PAN2: variants seen among roughly 807,000 people sequenced by gnomAD.
PAN2 encodes the protein PAN2-PAN3 deadenylation complex catalytic subunit PAN2.
In PAN2, 68 loss-of-function variants were observed where a neutral mutation model predicts 133.3. The observed-to-expected ratio is 0.51, with a 90% CI of 0.42 to 0.62. The LOEUF (loss-of-function observed/expected upper bound fraction) is 0.62. Among genes scored for constraint, PAN2 ranks in the 20% least tolerant of loss-of-function variants. The probability of loss-of-function intolerance (pLI) is 0.00; values close to 1 mark genes in which losing one functional copy is unlikely to be tolerated. For missense variants in PAN2, 1,042 were observed against 1,500.5 expected (o/e 0.69, Z 5.05); for synonymous variants, 462 against 544.6 (o/e 0.85, Z 2.11).
intron 19 of PAN2, 111 bp downstream of exon 19, chr12:56,322,312 G>T: frequency 9.1e-7 from 1 of 1,096,788 alleles, no homozygotes; most frequent in Non-Finnish European, 1.4e-6. Context: ...TATTCCTGAG[G>T]ATTCCTTCCT....
intron 8 of PAN2, 107 bp downstream of exon 8, chr12:56,326,206 G>C (rs1875104519): frequency 1.0e-6 from 1 of 1,000,588 alleles, no homozygotes; most frequent in Non-Finnish European, 1.4e-6. Flanking sequence ...CATCAATTTG[G>C]TTGGTTACCA....
At chr12:56,328,158 G>A in intron 4 of PAN2, 80 bp downstream of exon 4, 1 of 1,601,288 alleles carries the variant, frequency 6.2e-7, no homozygotes, top group Non-Finnish European at 8.5e-7. Flanking sequence ...CACATCTCAG[G>A]CACATTACCA....
Position 56,323,397 on chromosome 12 carries a change from GA to G in PAN2, c.2272-14del, listed in dbSNP as rs757215637. 1 of 1,612,132 alleles carries G rather than the reference GA, an allele frequency of 6.2e-7. No homozygotes were observed. The highest frequency in any genetic ancestry group is 1.1e-5 in the South Asian group (1 of 90,666). Reference sequence around the variant, plus strand: ...TCTTGAAGGCAACCTGAACACAGAAGAAAAACATCCAGTTCTTCAGGAATGT... The same window carrying G: ...TCTTGAAGGCAACCTGAACACAGAAGAAAACATCCAGTTCTTCAGGAATGT... On this transcript the variant is annotated splice_polypyrimidine_tract_variant and intron_variant, in intron 15 of 25. Coordinates refer to ENST00000440411, the MANE Select transcript of PAN2 (RefSeq NM_014871.6).
rs1874037424 is a variant in PAN2, at chr12:56,317,417, A to C, written c.*192T>G. On this transcript the variant is annotated 3_prime_UTR_variant, in exon 26 of 26. Coordinates refer to ENST00000440411, the MANE Select transcript of PAN2 (RefSeq NM_014871.6). ...TTTGCAAAGAATGAAGAAGGAATGA[A>C]TCTGGCTCCTAGAACCTTTGCAACA... The C allele has an allele frequency of 1.6e-6, 1 of 608,824 alleles. No homozygotes were observed. Among genetic ancestry groups the C allele is most frequent in the South Asian group, 2.0e-5 (1 of 48,994 alleles). 37.7% of individuals were successfully genotyped at this position (608,824 alleles called of 1,614,324 possible).
rs1874270273 is a variant in PAN2, at chr12:56,319,618, T to TA, written c.3090+2dup. On this transcript the variant is annotated splice_region_variant and intron_variant, in intron 22 of 25. Coordinates refer to ENST00000440411, the MANE Select transcript of PAN2 (RefSeq NM_014871.6). This position sits in a 1 kb window ranked among gnomAD's most constrained non-coding sequence, Gnocchi z 5.4. ...CCTCACTTGCATCTCCATATCCTAA[T>TA]ACCTGCTCCTGGGTAGAGATGTAGT... The TA allele has an allele frequency of 6.2e-7, 1 of 1,605,164 alleles. No individual in the cohort carries two copies. The highest frequency in any genetic ancestry group is 1.3e-5 in the African/African-American group (1 of 74,658).
rs1451224179 is a variant in PAN2, at chr12:56,319,773, G to C, written c.2947-9C>G. 1 of 1,612,444 alleles carries C rather than the reference G, an allele frequency of 6.2e-7. No individual in the cohort carries two copies. The highest frequency in any genetic ancestry group is 1.7e-5 in the Admixed American group (1 of 59,814). On this transcript the variant is annotated splice_polypyrimidine_tract_variant and intron_variant, in intron 21 of 25. Transcript: ENST00000440411. This position sits in a 1 kb window ranked among gnomAD's most constrained non-coding sequence, Gnocchi z 5.4. ...CGTAACTCTGCTTCCTCCTACATGA[G>C]AAGAGTTAATAAGGAAATCAGAGAA...
Position 56,326,893 on chromosome 12 carries a change from A to G in PAN2, c.986T>C (p.Val329Ala), listed in dbSNP as rs1565635985. 6.2e-7 allele frequency: 1 copy of G among 1,614,098 alleles called. No homozygotes were observed. Among genetic ancestry groups the G allele is most frequent in the Non-Finnish European group, 8.5e-7 (1 of 1,180,046 alleles). Residue 329 changes from valine to alanine, a missense_variant, in exon 7 of 26, where the codon GTG becomes GCG. Physicochemically the swap from Val to Ala is moderately conservative, Grantham distance 64. Around this residue, in one of 3 missense-constraint regions of PAN2, gnomAD observed 908 missense variants for 1,223.5 expected, o/e 0.74. Coordinates refer to ENST00000440411, the MANE Select transcript of PAN2 (RefSeq NM_014871.6). The part of the protein sequence containing the change: ...NPADIFHVNP[V>A]GPLLMTFDVS... Reference sequence around the variant, plus strand: ...ATCAAATGTCATTAGCAGAGGCCCCACAGGATTCACATGAAAGATATCGGC... The same window carrying G: ...ATCAAATGTCATTAGCAGAGGCCCCGCAGGATTCACATGAAAGATATCGGC...
rs781699456 is a variant in PAN2, at chr12:56,328,690, C to T, written c.283-49G>A. 10 of 1,524,224 alleles carry T rather than the reference C, an allele frequency of 6.6e-6. No individual in the cohort carries two copies. The South Asian group carries it at 9.1e-5, about 14-fold the overall frequency. 94.4% of individuals were successfully genotyped at this position (1,524,224 alleles called of 1,614,324 possible). ...GACACTTAGAGTGGAGGGGCAAGGGCCACCCTACGGCCAGGTCAGGGACTG... is the reference window on the plus strand; with the variant it reads ...GACACTTAGAGTGGAGGGGCAAGGGTCACCCTACGGCCAGGTCAGGGACTG... On this transcript the variant is annotated intron_variant, in intron 2 of 25. Coordinates refer to ENST00000440411, the MANE Select transcript of PAN2 (RefSeq NM_014871.6).
At chr12:56,322,923 A>G (rs1405056987) in intron 17 of PAN2, 139 bp downstream of exon 17, 19 of 1,299,274 alleles carry the variant, frequency 1.5e-5, no homozygotes, top group Non-Finnish European at 2.0e-5. Context: ...GTGACTATGG[A>G]AAATCCCCTA....
In PAN2 at chr12:56,332,999, A is replaced by G; in HGVS notation, c.96T>C (p.Ser32=). ...GGTCCAGCTCCACATTCTGTAGCAG[A>G]CTTGGGTTCAGGTGGGCATCCAAGA... ...DPVLDAHLNP[S]LLQNVELDPE... The change falls in exon 2 of 26, where the codon AGT becomes AGC. Residue 32 remains serine, a synonymous_variant. Transcript: ENST00000440411. 1 of 1,614,160 alleles carries G rather than the reference A, an allele frequency of 6.2e-7. No homozygotes were observed. Among genetic ancestry groups the G allele is most frequent in the East Asian group, 2.2e-5 (1 of 44,880 alleles).
chr12:56,316,956 AT>A lies in PAN2; in HGVS notation c.*652del, dbSNP rs1474014319. ...TCTAATGAGATAAATAACAAACGATATTTTATTTTTATTTTATAAAACATGC... is the reference window on the plus strand; with the variant it reads ...TCTAATGAGATAAATAACAAACGATATTTATTTTTATTTTATAAAACATGC... On this transcript the variant is annotated 3_prime_UTR_variant, in exon 26 of 26. Coordinates refer to ENST00000440411, the MANE Select transcript of PAN2 (RefSeq NM_014871.6). 2 of 152,226 alleles carry A rather than the reference AT, an allele frequency of 1.3e-5. No homozygotes were observed. Among genetic ancestry groups the A allele is most frequent in the African/African-American group, 4.8e-5 (2 of 41,450 alleles). 9.4% of individuals were successfully genotyped at this position (152,226 alleles called of 1,614,324 possible).
intron 2 of PAN2, 175 bp downstream of exon 2, chr12:56,332,638 G>C: frequency 1.9e-6 from 1 of 518,754 alleles, no homozygotes; most frequent in Non-Finnish European, 3.4e-6. Context: ...TCCTGAGAAA[G>C]AATATGTCAT....
chr12:56,326,279 C>A, intron 8 of PAN2, 34 bp downstream of exon 8: 1 of 1,529,082 alleles, frequency 6.5e-7, no homozygotes, highest in Non-Finnish European at 8.9e-7. Context: ...TTCAGTGGGC[C>A]GGGGTCGGGG....
rs1342194505 is a variant in PAN2 at position 56,319,856 on chromosome 12, T to C, written c.2946+8A>G. 2 of 1,614,208 alleles carry C rather than the reference T, an allele frequency of 1.2e-6. No individual in the cohort carries two copies. Among genetic ancestry groups the C allele is most frequent in the Admixed American group, 1.7e-5 (1 of 60,022 alleles). On this transcript the variant is annotated splice_region_variant and intron_variant, in intron 21 of 25. Transcript: ENST00000440411. This position sits in a 1 kb window ranked among gnomAD's most constrained non-coding sequence, Gnocchi z 5.4. ...CTTCCAATGCCCCATCCCTTTGGTC[T>C]TGGTTACCTCATTAAGGGTGACAAA...
chr12:56,318,153 G>C (rs1051635314), intron 25 of PAN2, 84 bp downstream of exon 25: 1 of 1,137,122 alleles, frequency 8.8e-7, no homozygotes, highest in Non-Finnish European at 1.3e-6. Flanking sequence ...CTTCAGCCTG[G>C]GTGACAGAGT....
chr12:56,324,284 G>A lies in PAN2; in HGVS notation c.1928+10C>T. Reference sequence around the variant, plus strand: ...TGATGGCTTTAACTATTTCTATCCTGATTTCATACCTGCCTCCAGCACCTC... The same window carrying A: ...TGATGGCTTTAACTATTTCTATCCTAATTTCATACCTGCCTCCAGCACCTC... On this transcript the variant is annotated intron_variant, in intron 12 of 25. Transcript: ENST00000440411. 1 of 1,612,856 alleles carries A rather than the reference G, an allele frequency of 6.2e-7. No individual in the cohort carries two copies. Among genetic ancestry groups the A allele is most frequent in the Non-Finnish European group, 8.5e-7 (1 of 1,179,910 alleles).
Position 56,323,102 on chromosome 12 carries a change from C to T in PAN2, c.2453G>A (p.Gly818Glu). 6.2e-7 allele frequency: 1 copy of T among 1,614,166 alleles called. No homozygotes were observed. Residue 818 changes from glycine (G) to glutamate (E), a missense_variant, in exon 17 of 26, where the codon GGG becomes GAG. Around this residue, in one of 3 missense-constraint regions of PAN2, gnomAD observed 908 missense variants for 1,223.5 expected, o/e 0.74. Transcript: ENST00000440411. ...ATCAGTCCAATTGCAAACATCCAGC[C>T]CTTTGTTTTTGGTCATCTTCATGCG... is the stretch of plus-strand genomic sequence containing the variant. ...SIRMKMTKNK[G>E]LDVCNWTDGD... is the part of the protein sequence containing the mutation.
chr12:56,324,930 G>C (rs1188067791), intron 10 of PAN2, 79 bp downstream of exon 10: 1 of 1,540,946 alleles, frequency 6.5e-7, no homozygotes, highest in African/African-American at 1.4e-5. Flanking sequence ...GAGGAGACCT[G>C]GAAAGAGCAG....
chr12:56,330,584 C>A (rs1875707746), intron 2 of PAN2, among the ~76,000 whole-genome samples: 1 of 151,608 alleles, frequency 6.6e-6, no homozygotes, highest in African/African-American at 2.4e-5. Context: ...TGGTCTCGAT[C>A]TCCTGACCTC....
Sources: allele counts gnomAD v4.1 joint callset (sites outside exome capture counted in the v4.1 genomes callset), GRCh38; gene constraint gnomAD v4.1.1; regional missense constraint gnomAD v4.1.1; non-coding constraint Gnocchi (gnomAD v3.1); transcripts MANE v1.5; gene names NCBI Gene and HGNC (gene_info 2026-07-23, HGNC 2026-07-21).